Variants in PDE7B observed in about 807,000 individuals in gnomAD.
PDE7B encodes the protein 3',5'-cyclic-AMP phosphodiesterase 7B.
PDE7B carries 29 observed loss-of-function variants against 56.2 expected under a neutral mutation model. The ratio of observed to expected loss-of-function variants is 0.52; its 90% confidence interval spans 0.38 to 0.70. The LOEUF (loss-of-function observed/expected upper bound fraction) is 0.70, where lower values mean the gene tolerates loss of function less well. PDE7B is among the 30% of genes least tolerant of loss of function. PDE7B has a pLI of 0.00. For synonymous variants in PDE7B, 197 were observed against 196.9 expected (o/e 1.00, Z 0.00); for missense variants, 490 against 565.0 (o/e 0.87, Z 1.35).
intron 2 of PDE7B, among the ~76,000 whole-genome samples, chr6:136,026,752 G>T (rs980065158): frequency 6.6e-6 from 1 of 152,188 alleles, no homozygotes; most frequent in African/African-American, 2.4e-5. Flanking sequence ...CATATGAAAT[G>T]CTTAGTGCTG....
At chr6:136,124,032 T>C (rs1777980847) in intron 3 of PDE7B, among the ~76,000 whole-genome samples, 1 of 152,178 alleles carries the variant, frequency 6.6e-6, no homozygotes, top group African/African-American at 2.4e-5. Context: ...AACTTTCTAT[T>C]GAACAGTTCT....
chr6:136,030,472 TGTG>T (rs1214671499), intron 2 of PDE7B, among the ~76,000 whole-genome samples: 2 of 152,022 alleles, frequency 1.3e-5, no homozygotes, highest in Non-Finnish European at 2.9e-5. Flanking sequence ...GTGCATGTGT[TGTG>T]TGTGTGTGTT....
intron 2 of PDE7B, among the ~76,000 whole-genome samples, chr6:136,098,666 C>T (rs547955060): frequency 1.3e-5 from 2 of 152,232 alleles, no homozygotes; most frequent in African/African-American, 4.8e-5. Context: ...CTTCTCCTAG[C>T]TTATACCATA....
intron 1 of PDE7B, among the ~76,000 whole-genome samples, chr6:135,861,233 T>C (rs1562414119): frequency 1.3e-5 from 2 of 151,890 alleles, no homozygotes; most frequent in Non-Finnish European, 2.9e-5. Context: ...CTGTTGAGGT[T>C]ATACCTAGGA....
At chr6:136,173,185 G>A (rs541866577) in intron 8 of PDE7B, among the ~76,000 whole-genome samples, 14 of 152,254 alleles carry the variant, frequency 9.2e-5, no homozygotes, top group South Asian at 6.2e-4. Context: ...AAAAGAGCCC[G>A]CATTGCCAAG....
intron 8 of PDE7B, among the ~76,000 whole-genome samples, chr6:136,157,158 TCCA>T (rs1184605032): frequency 3.9e-5 from 6 of 152,198 alleles, no homozygotes; most frequent in Non-Finnish European, 5.9e-5. Context: ...CTTTTTGGTT[TCCA>T]GAGCCAAAGT....
chr6:136,102,164 G>A (rs1445554809), intron 2 of PDE7B, among the ~76,000 whole-genome samples: 1 of 152,030 alleles, frequency 6.6e-6, no homozygotes, highest in African/African-American at 2.4e-5. Flanking sequence ...CTATGCCTGG[G>A]GCTTGTCACA....
At chr6:135,950,121 T>A (rs939344004) in intron 2 of PDE7B, among the ~76,000 whole-genome samples, 3 of 152,080 alleles carry the variant, frequency 2.0e-5, no homozygotes, top group Non-Finnish European at 4.4e-5. Flanking sequence ...AGCAAAATGA[T>A]CCTAGATGAT....
At chr6:136,178,435 T>C (rs1352371450) in intron 9 of PDE7B, among the ~76,000 whole-genome samples, 1 of 152,182 alleles carries the variant, frequency 6.6e-6, no homozygotes, top group African/African-American at 2.4e-5. Context: ...TCTATACCAT[T>C]TGTTGACTAA....
chr6:135,913,372 G>A (rs140001075), intron 1 of PDE7B, among the ~76,000 whole-genome samples: 2,612 of 152,146 alleles, frequency 0.017, 46 homozygotes, highest in Non-Finnish European at 0.021. Context: ...TGCTTGCTAA[G>A]GCCCAGGGTT....
chr6:136,028,243 A>G (rs1776186224), intron 2 of PDE7B, among the ~76,000 whole-genome samples: 1 of 152,220 alleles, frequency 6.6e-6, no homozygotes, highest in South Asian at 2.1e-4. Flanking sequence ...AAAGGCAAGT[A>G]GTGACGTAAG....
At chr6:136,038,543 G>C in intron 2 of PDE7B, 1 of 1,260,984 alleles carries the variant, frequency 7.9e-7, no homozygotes, top group Non-Finnish European at 1.0e-6. Context: ...ATTGACCATG[G>C]GGTGTAATAG....
intron 3 of PDE7B, among the ~76,000 whole-genome samples, chr6:136,135,207 C>T (rs1416304170): frequency 6.6e-6 from 1 of 151,992 alleles, no homozygotes; most frequent in Non-Finnish European, 1.5e-5. Context: ...CTTTTGAGTT[C>T]CTTTAAGCTC....
At chr6:135,980,187 A>G (rs568455912) in intron 2 of PDE7B, among the ~76,000 whole-genome samples, 74 of 152,192 alleles carry the variant, frequency 4.9e-4, no homozygotes, top group Admixed American at 9.8e-4. Context: ...ACAAGCAATG[A>G]GGAAAGGATT....
intron 1 of PDE7B, among the ~76,000 whole-genome samples, chr6:135,938,742 G>A (rs1026855165): frequency 7.2e-5 from 11 of 152,266 alleles, no homozygotes; most frequent in East Asian, 5.8e-4. Context: ...CCTGCACCAC[G>A]CCATCTGACC....
chr6:136,175,822 A>G (rs1778967833), intron 9 of PDE7B, among the ~76,000 whole-genome samples: 1 of 152,124 alleles, frequency 6.6e-6, no homozygotes. Flanking sequence ...AAAGGTCTGA[A>G]CTTTTAAGTT....
At chr6:135,883,032 C>G (rs1775638269) in intron 1 of PDE7B, among the ~76,000 whole-genome samples, 1 of 152,184 alleles carries the variant, frequency 6.6e-6, no homozygotes, top group East Asian at 1.9e-4. Flanking sequence ...TCAATTACTC[C>G]AGGCATTCTT....
At chr6:136,143,529 A>T (rs1401649559) in intron 3 of PDE7B, among the ~76,000 whole-genome samples, 1 of 152,124 alleles carries the variant, frequency 6.6e-6, no homozygotes, top group Non-Finnish European at 1.5e-5. Context: ...ATGAGAAACA[A>T]TATATCAAAA....
chr6:135,942,424 G>A (rs1268652275), intron 1 of PDE7B, among the ~76,000 whole-genome samples: 2 of 152,054 alleles, frequency 1.3e-5, no homozygotes, highest in African/African-American at 4.8e-5. Context: ...TGAGATATGT[G>A]TACATTGTGG....
Sources: gnomAD v4.1 joint callset for allele counts (sites outside exome capture counted in the v4.1 genomes callset) on GRCh38, gnomAD v4.1.1 for gene constraint, MANE v1.5 for transcripts, NCBI Gene and HGNC (gene_info 2026-07-23, HGNC 2026-07-21) for gene names.